CCL28: variants seen among roughly 807,000 people sequenced by gnomAD.
The protein encoded by CCL28 is C-C motif chemokine 28.
Under a neutral mutation model 7.1 loss-of-function variants are expected in CCL28, and 4 were observed. That is an observed-to-expected ratio of 0.56 (90% confidence interval 0.28 to 1.29). The LOEUF is 1.29. Among genes scored for constraint, CCL28 ranks in the 50% most tolerant of loss-of-function variants. CCL28 has a pLI of 0.11. For missense variants in CCL28, 151 were observed against 163.4 expected (o/e 0.92, Z 0.41); for synonymous variants, 55 against 57.8 (o/e 0.95, Z 0.22).
intron 1 of CCL28, among the ~76,000 whole-genome samples, chr5:43,391,631 C>T (rs1017847117): frequency 2.0e-5 from 3 of 152,152 alleles, no homozygotes; most frequent in African/African-American, 7.2e-5. Flanking sequence ...TATTTGCCTT[C>T]AGTCTTATTT....
intron 1 of CCL28, among the ~76,000 whole-genome samples, chr5:43,394,989 T>C (rs1740738199): frequency 6.6e-6 from 1 of 151,360 alleles, no homozygotes; most frequent in Non-Finnish European, 1.5e-5. Flanking sequence ...TATACCCTGT[T>C]ACCATCCTTC....
downstream of CCL28, among the ~76,000 whole-genome samples, chr5:43,372,635 C>T (rs536932286): frequency 7.2e-4 from 110 of 151,828 alleles, 1 homozygote; most frequent in Non-Finnish European, 1.3e-3. Flanking sequence ...TCCCAAAATG[C>T]TAGGATTACA....
chr5:43,406,201 G>T (rs79475941), intron 1 of CCL28, among the ~76,000 whole-genome samples: 5 of 151,970 alleles, frequency 3.3e-5, no homozygotes, highest in Non-Finnish European at 7.4e-5. Flanking sequence ...CAAAAAAAGA[G>T]AATTTTAGAC....
At chr5:43,368,869 C>T in the CCL28 span, among the ~76,000 whole-genome samples, 1 of 152,036 alleles carries the variant, frequency 6.6e-6, no homozygotes, top group Non-Finnish European at 1.5e-5. Context: ...TACCTTCAGA[C>T]TTCTAGACTC....
downstream of CCL28, among the ~76,000 whole-genome samples, chr5:43,371,726 C>T (rs1483825195): frequency 6.6e-6 from 1 of 152,194 alleles, no homozygotes; most frequent in Non-Finnish European, 1.5e-5. Context: ...TCCCAAATTC[C>T]TTATCCACAG....
At chr5:43,367,066 G>C in the CCL28 span, among the ~76,000 whole-genome samples, 121 of 152,330 alleles carry the variant, frequency 7.9e-4, no homozygotes, top group Non-Finnish European at 1.5e-3. Context: ...CCTCAGTAAT[G>C]GTGGACACCC....
the CCL28 span, among the ~76,000 whole-genome samples, chr5:43,362,272 T>G: frequency 2.0e-5 from 3 of 152,178 alleles, no homozygotes; most frequent in African/African-American, 7.2e-5. Context: ...ATTACATTCC[T>G]GATTTGCCTC....
chr5:43,403,149 T>C (rs1309718774), intron 1 of CCL28, among the ~76,000 whole-genome samples: 1 of 152,200 alleles, frequency 6.6e-6, no homozygotes, highest in Non-Finnish European at 1.5e-5. Flanking sequence ...ATCTGGCAGC[T>C]TTGAAGAGAG....
At chr5:43,377,788 A>G (rs1341740164), downstream of CCL28, among the ~76,000 whole-genome samples, 1 of 113,574 alleles carries the variant, frequency 8.8e-6, no homozygotes, top group Non-Finnish European at 1.6e-5. Context: ...GCTGGAGTGC[A>G]GTGGCGCAAT....
intron 1 of CCL28, among the ~76,000 whole-genome samples, chr5:43,401,156 T>C (rs971115723): frequency 6.6e-6 from 1 of 152,058 alleles, no homozygotes; most frequent in Non-Finnish European, 1.5e-5. Context: ...CATCTCTCCA[T>C]TCTTGTGGAC....
intron 1 of CCL28, among the ~76,000 whole-genome samples, chr5:43,403,139 A>G (rs1338515043): frequency 2.0e-5 from 3 of 152,232 alleles, no homozygotes; most frequent in Non-Finnish European, 4.4e-5. Context: ...AAACGTCCCT[A>G]TCTGGCAGCT....
At chr5:43,366,129 A>G in the CCL28 span, among the ~76,000 whole-genome samples, 3 of 152,006 alleles carry the variant, frequency 2.0e-5, no homozygotes, top group African/African-American at 7.2e-5. Context: ...AGCTCAGAGG[A>G]GTTTGTTATT....
chr5:43,395,826 G>T (rs1275646659), intron 1 of CCL28, among the ~76,000 whole-genome samples: 1 of 150,818 alleles, frequency 6.6e-6, no homozygotes, highest in Non-Finnish European at 1.5e-5. Flanking sequence ...GCTAAACAAG[G>T]AGTGGACTAT....
rs1260796735 is a variant in CCL28 at position 43,379,260 on chromosome 5, A to G, written c.*2600T>C. The G allele has an allele frequency of 6.6e-6, 1 of 152,126 alleles. No individual in the cohort carries two copies. The highest frequency in any genetic ancestry group is 2.4e-5 in the African/African-American group (1 of 41,370). The allele number at this position is 152,126 out of a possible 1,614,324, so 9.4% of individuals were successfully genotyped here. A position where few individuals can be genotyped will look rare whatever the true frequency, so the allele number is the denominator to read the frequency against. ...ATTAATTTAAAATGGAAAATAATTC[A>G]AGTTGTTAGTTGAAAGAATTAGACA... is the stretch of plus-strand genomic sequence containing the variant. On this transcript the variant is annotated 3_prime_UTR_variant, in exon 3 of 3. Coordinates refer to ENST00000361115, the MANE Select transcript of CCL28 (RefSeq NM_148672.3).
At chr5:43,407,645 G>A (rs1326306004) in intron 1 of CCL28, among the ~76,000 whole-genome samples, 1 of 152,180 alleles carries the variant, frequency 6.6e-6, no homozygotes, top group Non-Finnish European at 1.5e-5. Flanking sequence ...TGACAAATGG[G>A]ATCTAATTAA....
chr5:43,404,810 A>G (rs1741198020), intron 1 of CCL28, among the ~76,000 whole-genome samples: 1 of 152,216 alleles, frequency 6.6e-6, no homozygotes. Context: ...AAAGGGATGA[A>G]GGAAGATCTA....
intron 2 of CCL28, among the ~76,000 whole-genome samples, chr5:43,386,346 G>C (rs549177709): frequency 6.3e-4 from 96 of 152,284 alleles, no homozygotes; most frequent in Admixed American, 3.1e-3. Context: ...AAAGAAGTTG[G>C]GAACTTGGAG....
chr5:43,397,169 G>A, intron 1 of CCL28: 1 of 152,410 alleles, frequency 6.6e-6, no homozygotes, highest in Non-Finnish European at 1.5e-5. Flanking sequence ...AGCGCGTGAC[G>A]GCCGGATGCC....
chr5:43,359,120 G>C, the CCL28 span, among the ~76,000 whole-genome samples: 1 of 152,168 alleles, frequency 6.6e-6, no homozygotes, highest in African/African-American at 2.4e-5. Flanking sequence ...TGTAGGTATA[G>C]CTAAATGATA....
Sources: allele counts gnomAD v4.1 joint callset (sites outside exome capture counted in the v4.1 genomes callset), GRCh38; gene constraint gnomAD v4.1.1; transcripts MANE v1.5; gene names NCBI Gene and HGNC (gene_info 2026-07-23, HGNC 2026-07-21).